The following CELF4 variants were observed in gnomAD, a reference collection of about 807,000 sequenced individuals.
CELF4 encodes the protein CUGBP Elav-like family member 4, also known as CUG-BP- and ETR-3-like factor 4.
CELF4 carries 18 observed loss-of-function variants against 59.9 expected under a neutral mutation model. The ratio of observed to expected loss-of-function variants is 0.30; its 90% CI spans 0.21 to 0.45. CELF4 has a LOEUF of 0.45. Ranked by LOEUF, CELF4 falls within the 20% of genes least tolerant of loss-of-function variation. The pLI is 1.00. For missense variants in CELF4, 456 were observed against 689.0 expected (o/e 0.66, Z 3.79); for synonymous variants, 261 against 267.1 (o/e 0.98, Z 0.22).
At chr18:37,534,387 G>A (rs2099971863) in intron 1 of CELF4, among the ~76,000 whole-genome samples, 1 of 152,116 alleles carries the variant, frequency 6.6e-6, no homozygotes, top group South Asian at 2.1e-4. Context: ...TCTGTCACTG[G>A]GCAGGCCGCT....
intron 1 of CELF4, among the ~76,000 whole-genome samples, chr18:37,543,751 A>G (rs1227376515): frequency 6.6e-6 from 1 of 152,226 alleles, no homozygotes; most frequent in Non-Finnish European, 1.5e-5. Flanking sequence ...ACTATTGGCA[A>G]TGAAAATATT....
intron 2 of CELF4, among the ~76,000 whole-genome samples, chr18:37,346,346 GA>G (rs1329405625): frequency 6.6e-6 from 1 of 152,142 alleles, no homozygotes; most frequent in Admixed American, 6.5e-5. Context: ...AGCCCAGGGG[GA>G]AAAAAGAGCT....
intron 2 of CELF4, among the ~76,000 whole-genome samples, chr18:37,426,853 T>G (rs980482948): frequency 6.6e-6 from 1 of 151,884 alleles, no homozygotes; most frequent in Admixed American, 6.6e-5. Context: ...TTGTGAGAGA[T>G]GAGCACGGCT....
chr18:37,354,498 T>G (rs1263619703), intron 2 of CELF4, among the ~76,000 whole-genome samples: 1 of 152,210 alleles, frequency 6.6e-6, no homozygotes, highest in Non-Finnish European at 1.5e-5. Context: ...CACAGACCCA[T>G]GCTCGGCTGC....
chr18:37,286,389 T>C (rs929854448), intron 3 of CELF4, among the ~76,000 whole-genome samples: 8 of 151,946 alleles, frequency 5.3e-5, no homozygotes, highest in African/African-American at 1.9e-4. Context: ...CTTTCCAACA[T>C]TAGCCACAGG....
intron 2 of CELF4, among the ~76,000 whole-genome samples, chr18:37,323,805 TCAATGAGAAGAACAAAG>T (rs1357003399): frequency 6.6e-6 from 1 of 152,200 alleles, no homozygotes; most frequent in African/African-American, 2.4e-5. Context: ...ATCCATCTTT[TCAATGAGAAGAACAAAG>T]CTCTGAGGAG....
At chr18:37,531,003 T>C (rs1257524438) in intron 1 of CELF4, among the ~76,000 whole-genome samples, 4 of 131,762 alleles carry the variant, frequency 3.0e-5, no homozygotes, top group African/African-American at 1.2e-4. Flanking sequence ...GAGGGAGGGG[T>C]GGGGTAAGCA....
intron 1 of CELF4, among the ~76,000 whole-genome samples, chr18:37,507,055 G>A (rs1199146337): frequency 6.6e-6 from 1 of 152,216 alleles, no homozygotes; most frequent in Admixed American, 6.5e-5. Flanking sequence ...TGCCAGGAGG[G>A]TGTCTCAGGG....
chr18:37,478,736 T>G (rs1233155192), intron 2 of CELF4, among the ~76,000 whole-genome samples: 1 of 152,184 alleles, frequency 6.6e-6, no homozygotes, highest in Admixed American at 6.5e-5. Context: ...TTCGAAGGCA[T>G]CACAGATGTA....
chr18:37,339,018 A>G (rs1418087572), intron 2 of CELF4, among the ~76,000 whole-genome samples: 2 of 152,222 alleles, frequency 1.3e-5, no homozygotes, highest in Non-Finnish European at 2.9e-5. Context: ...CCCAGAGCCC[A>G]GGGTTCCTAG....
intron 12 of CELF4, among the ~76,000 whole-genome samples, chr18:37,249,356 C>T (rs986516405): frequency 6.6e-6 from 1 of 152,170 alleles, no homozygotes; most frequent in South Asian, 2.1e-4. Flanking sequence ...CTTTCTCCCT[C>T]CATTCCAGCC....
intron 2 of CELF4, among the ~76,000 whole-genome samples, chr18:37,437,470 G>A (rs1450048092): frequency 3.3e-5 from 5 of 152,188 alleles, no homozygotes; most frequent in Admixed American, 6.5e-5. Context: ...CACTTTTGGT[G>A]GGGTTGGTTG....
At chr18:37,272,982 G>A (rs779925023) in intron 7 of CELF4, 34 bp downstream of exon 7, 21 of 1,585,072 alleles carry the variant, frequency 1.3e-5, no homozygotes, top group Admixed American at 5.1e-5. Context: ...TTCTCCCACC[G>A]GGCCAGACCG....
At chr18:37,337,282 C>T (rs2097801889) in intron 2 of CELF4, among the ~76,000 whole-genome samples, 1 of 152,138 alleles carries the variant, frequency 6.6e-6, no homozygotes, top group African/African-American at 2.4e-5. Context: ...CCCACTGCCT[C>T]CCATGGTGAG....
intron 3 of CELF4, among the ~76,000 whole-genome samples, chr18:37,278,068 CT>C (rs1378346016): frequency 6.6e-6 from 1 of 152,194 alleles, no homozygotes; most frequent in Non-Finnish European, 1.5e-5. Context: ...TATCCAGCCA[CT>C]TCCTTTTTTG....
intron 2 of CELF4, among the ~76,000 whole-genome samples, chr18:37,385,422 C>T (rs2099089091): frequency 6.6e-6 from 1 of 151,496 alleles, no homozygotes; most frequent in Non-Finnish European, 1.5e-5. Context: ...AGATTAATGC[C>T]GTGGTGGTGG....
At position 37,406,071 on chromosome 18, in the gene CELF4, C is replaced by T. The variant is rs16968894; in HGVS notation, c.369+79454G>A. Among the ~76,000 whole-genome samples, 850 of 152,172 alleles carry T rather than the reference C, an allele frequency of 5.6e-3. 4 individuals carry two copies. Among genetic ancestry groups the T allele is most frequent in the African/African-American group, 0.019 (800 of 41,504 alleles). On this transcript the variant is annotated intron_variant, in intron 2 of 12. Transcript: ENST00000420428. ...TCTTTTTGTCACAGAAGATAGAAGA[C>T]GCAGGTTCGCTGGAGAAACTGCCTC...
intron 11 of CELF4, among the ~76,000 whole-genome samples, chr18:37,258,620 T>C (rs900245185): frequency 6.6e-6 from 1 of 151,520 alleles, no homozygotes; most frequent in Non-Finnish European, 1.5e-5. Context: ...AAAAGCAGGG[T>C]AGACAGAGAA....
At chr18:37,528,411 C>T (rs758656519) in intron 1 of CELF4, among the ~76,000 whole-genome samples, 2 of 152,096 alleles carry the variant, frequency 1.3e-5, no homozygotes, top group Non-Finnish European at 2.9e-5. Context: ...AGACACAAAA[C>T]CAGGAGCAAC....
Sources: allele counts gnomAD v4.1 joint callset (sites outside exome capture counted in the v4.1 genomes callset), GRCh38; gene constraint gnomAD v4.1.1; transcripts MANE v1.5; gene names NCBI Gene and HGNC (gene_info 2026-07-23, HGNC 2026-07-21).